UPP2: variants seen among roughly 807,000 people sequenced by gnomAD.
UPP2 encodes the protein uridine phosphorylase 2.
A neutral mutation model predicts 26.7 loss-of-function variants in UPP2; 23 were observed. The observed-to-expected ratio is 0.86, with a 90% CI of 0.62 to 1.22. UPP2 has a LOEUF of 1.22. UPP2 is among the 50% of genes most tolerant of loss of function. The pLI is 0.00. For synonymous variants in UPP2, 127 were observed against 141.3 expected (o/e 0.90, Z 0.72); for missense variants, 387 against 396.7 (o/e 0.98, Z 0.21).
intron 3 of UPP2, among the ~76,000 whole-genome samples, chr2:158,088,311 G>A (rs544046984): frequency 4.9e-4 from 75 of 152,178 alleles, no homozygotes; most frequent in African/African-American, 1.7e-3. Context: ...ATTTCTCTAA[G>A]TGTGTCCTTT....
At chr2:158,115,055 C>A in intron 2 of UPP2, 46 bp from the exon 3 acceptor site, 1 of 1,530,668 alleles carries the variant, frequency 6.5e-7, no homozygotes, top group South Asian at 1.3e-5. Context: ...ACCCGTGGTT[C>A]TTATCCCAGT....
intron 3 of UPP2, among the ~76,000 whole-genome samples, chr2:158,081,037 G>A (rs1682716022): frequency 6.6e-6 from 1 of 152,130 alleles, no homozygotes; most frequent in Admixed American, 6.6e-5. Context: ...TCTTCTAAAT[G>A]TTGATTTAGT....
chr2:158,039,876 C>T (rs935217963), intron 3 of UPP2, among the ~76,000 whole-genome samples: 1 of 152,190 alleles, frequency 6.6e-6, no homozygotes, highest in African/African-American at 2.4e-5. Flanking sequence ...GCTCTGAAGG[C>T]CCTAGACTGA....
chr2:158,123,787 A>T lies in UPP2; in HGVS notation c.703A>T (p.Arg235Ter). 1 of 1,614,060 alleles carries T rather than the reference A, an allele frequency of 6.2e-7. No individual in the cohort carries two copies. The highest frequency in any genetic ancestry group is 8.5e-7 in the Non-Finnish European group (1 of 1,179,930). Residue 235 changes from arginine to a stop codon, truncating the protein, a stop_gained, in exon 6 of 7, where the codon AGA becomes TGA. Transcript: ENST00000005756. LOFTEE classifies it high-confidence loss of function. ...RLDGALCSFSREKKLDYLKRA... is the reference protein window; with the variant it reads ...RLDGALCSFS The stretch of plus-strand genomic sequence containing the variant: ...AGATGGAGCACTGTGCTCCTTTTCC[A>T]GAGAAAAAAAGTTAGACTACTTGAA...
intron 1 of UPP2, among the ~76,000 whole-genome samples, chr2:158,104,976 GGAAGA>G (rs1558932142): frequency 0.022 from 1,018 of 46,450 alleles, 30 homozygotes; most frequent in Non-Finnish European, 0.027. Context: ...GGAAGGGAAG[GGAAGA>G]GAAGGGAAGG....
At chr2:158,067,502 G>A (rs1366237414) in intron 3 of UPP2, among the ~76,000 whole-genome samples, 1 of 152,088 alleles carries the variant, frequency 6.6e-6, no homozygotes, top group Non-Finnish European at 1.5e-5. Context: ...GTGGGGAGAG[G>A]GAGAAGCAAA....
intron 6 of UPP2, among the ~76,000 whole-genome samples, chr2:158,133,240 C>T (rs1187171916): frequency 6.6e-6 from 1 of 152,128 alleles, no homozygotes; most frequent in African/African-American, 2.4e-5. Flanking sequence ...ATTTGGAGGC[C>T]ATTTTGTTAA....
At position 158,121,555 on chromosome 2, in the gene UPP2, A is replaced by G. The variant is rs1415418034; in HGVS notation, c.601A>G (p.Lys201Glu). 1 of 1,613,614 alleles carries G rather than the reference A, an allele frequency of 6.2e-7. No individual in the cohort carries two copies. The highest frequency in any genetic ancestry group is 1.1e-5 in the South Asian group (1 of 91,074). Residue 201 changes from lysine to glutamate, a missense_variant, in exon 5 of 7, where the codon AAA becomes GAA. Physicochemically the swap from Lys to Glu is moderately conservative, Grantham distance 56 (BLOSUM62 1). Transcript: ENST00000005756. ...ELSEELFNCS[K>E]EIPNFPTLVG... ...GTCTGAAGAACTGTTCAACTGTAGC[A>G]AAGAAATCCCCAACTTCCCAACCCT...
rs190378989 is a variant in UPP2, at chr2:158,115,002, A to G, written c.181-99A>G. 9.0e-6 allele frequency: 11 copies of G among 1,222,608 alleles called. No homozygotes were observed. The Admixed American group carries it at 2.9e-4, about 32-fold the overall frequency. The allele number at this position is 1,222,608 out of a possible 1,614,324, so 75.7% of individuals were successfully genotyped here. ...ATGACATCTACACGTGTTCTTAAGT[A>G]AATTAACTAAAAAGTAAAATAAAAA... On this transcript the variant is annotated intron_variant, in intron 2 of 6. Transcript: ENST00000005756.
In UPP2 at chr2:158,104,970, GGGAAGGGAAGAGAAGGGAA is replaced by G. The variant is rs1207935215; in HGVS notation, c.63-1126_63-1108del. 3.8e-3 allele frequency among the ~76,000 whole-genome samples: 289 copies of G among 76,148 alleles called. 2 individuals carry two copies. The highest frequency in any genetic ancestry group is 0.013 in the African/African-American group (170 of 12,928). 50.0% of individuals were successfully genotyped at this position (76,148 alleles called of 152,430 possible). A position where few individuals can be genotyped will look rare whatever the true frequency, so the allele number is the denominator to read the frequency against. On this transcript the variant is annotated intron_variant, in intron 1 of 6. Transcript: ENST00000005756. The stretch of plus-strand genomic sequence containing the variant: ...GGGAAGGGAAGGGAAGGGAAGGGAA[GGGAAGGGAAGAGAAGGGAA>G]GGGAAGGGAGGGGAGGGGAGGGGAG...
At chr2:157,998,666 G>A (rs1472262250) in intron 2 of UPP2, among the ~76,000 whole-genome samples, 2 of 152,140 alleles carry the variant, frequency 1.3e-5, no homozygotes, top group African/African-American at 4.8e-5. Flanking sequence ...GCTGGGTGTG[G>A]TGGCGCATGC....
At chr2:158,019,719 T>C (rs997794028) in intron 3 of UPP2, among the ~76,000 whole-genome samples, 16 of 151,882 alleles carry the variant, frequency 1.1e-4, no homozygotes, top group Non-Finnish European at 1.6e-4. Context: ...AGAAATTCTA[T>C]CTTGATTTCA....
intron 3 of UPP2, among the ~76,000 whole-genome samples, chr2:158,030,443 T>C (rs938710491): frequency 6.6e-6 from 1 of 152,248 alleles, no homozygotes; most frequent in African/African-American, 2.4e-5. Flanking sequence ...TGTGGCCATC[T>C]TATATTTGAG....
At chr2:158,055,439 A>C (rs1682231818) in intron 3 of UPP2, among the ~76,000 whole-genome samples, 1 of 152,186 alleles carries the variant, frequency 6.6e-6, no homozygotes, top group Non-Finnish European at 1.5e-5. Context: ...GGACATTCAA[A>C]TCATAGCAGG....
chr2:158,093,553 C>T (rs1682942867), intron 3 of UPP2, among the ~76,000 whole-genome samples: 4 of 151,944 alleles, frequency 2.6e-5, no homozygotes, highest in Admixed American at 2.6e-4. Context: ...ATAAAATACC[C>T]AAAAGAAAAT....
At chr2:158,075,391 C>T (rs1682614570) in intron 3 of UPP2, among the ~76,000 whole-genome samples, 1 of 151,916 alleles carries the variant, frequency 6.6e-6, no homozygotes, top group Non-Finnish European at 1.5e-5. Flanking sequence ...CTGCAGAATA[C>T]ACATTTTTCT....
chr2:158,039,909 G>A (rs908277710), intron 3 of UPP2, among the ~76,000 whole-genome samples: 6 of 152,214 alleles, frequency 3.9e-5, no homozygotes, highest in Non-Finnish European at 7.3e-5. Flanking sequence ...GGGGTGCTGT[G>A]CCTTCCATCT....
Position 158,117,931 on chromosome 2 carries a change from G to A in UPP2, c.447G>A (p.Gly149=). Residue 149 remains glycine, a synonymous_variant, in exon 4 of 7, where the codon GGG becomes GGA. Coordinates refer to ENST00000005756, the MANE Select transcript of UPP2 (RefSeq NM_173355.4). ...DVTIIRIGTS[G]GIGIAPGTVV... is the part of the protein sequence containing the mutation. ...CCATTATTAGAATCGGTACATCAGG[G>A]GGAATAGGTGAGACGGATTGATGTC... The A allele has an allele frequency of 6.2e-7, 1 of 1,607,890 alleles. No individual in the cohort carries two copies.
intron 4 of UPP2, among the ~76,000 whole-genome samples, 193 bp from the exon 5 acceptor site, chr2:158,121,216 T>C (rs1406832973): frequency 1.3e-5 from 2 of 152,026 alleles, no homozygotes; most frequent in Non-Finnish European, 2.9e-5. Flanking sequence ...TAAATGTGCA[T>C]TTGAAAAGAC....
Sources: allele counts gnomAD v4.1 joint callset (sites outside exome capture counted in the v4.1 genomes callset), GRCh38; gene constraint gnomAD v4.1.1; transcripts MANE v1.5; gene names NCBI Gene and HGNC (gene_info 2026-07-23, HGNC 2026-07-21).